The following SMCP variants were observed in gnomAD, a reference collection of about 807,000 sequenced individuals.
The protein encoded by SMCP is sperm mitochondria associated cysteine rich protein, also known as sperm mitochondrial-associated cysteine-rich protein.
For synonymous variants in SMCP, 41 were observed against 46.9 expected, an observed-to-expected ratio of 0.87 and a Z score of 0.51; for missense variants, 137 against 137.1, an observed-to-expected ratio of 1.00 and a Z score of 0.01.
intron 1 of SMCP, among the ~76,000 whole-genome samples, chr1:152,881,228 C>A (rs1487430003): frequency 6.6e-6 from 1 of 152,042 alleles, no homozygotes; most frequent in East Asian, 1.9e-4. Flanking sequence ...ATAGCCACAG[C>A]CCTGGGTCTT....
chr1:152,879,769 T>G (rs1237239686), intron 1 of SMCP, among the ~76,000 whole-genome samples: 1 of 152,148 alleles, frequency 6.6e-6, no homozygotes, highest in Non-Finnish European at 1.5e-5. Flanking sequence ...CTGCTGTCCT[T>G]CTCTGATATT....
chr1:152,881,690 G>C (rs1044298260), intron 1 of SMCP, among the ~76,000 whole-genome samples: 2 of 108,034 alleles, frequency 1.9e-5, no homozygotes, highest in African/African-American at 1.1e-4. Context: ...GCGAGACTCC[G>C]TCTCAAAAAA....
intron 1 of SMCP, among the ~76,000 whole-genome samples, chr1:152,879,802 C>T (rs761358906): frequency 6.6e-6 from 1 of 152,132 alleles, no homozygotes; most frequent in Non-Finnish European, 1.5e-5. Context: ...CATTCAGGAC[C>T]TATTCCCAGG....
intron 1 of SMCP, among the ~76,000 whole-genome samples, chr1:152,880,510 T>C (rs1648999260): frequency 6.6e-6 from 1 of 152,138 alleles, no homozygotes. Context: ...GCCTCTCCAT[T>C]GCTCACCTCT....
chr1:152,881,806 T>C (rs1048996737), intron 1 of SMCP, among the ~76,000 whole-genome samples: 3 of 151,892 alleles, frequency 2.0e-5, no homozygotes, highest in African/African-American at 7.3e-5. Context: ...AACACAATCA[T>C]GGCAGAAGGC....
At chr1:152,883,400 C>G (rs1649114079) in intron 1 of SMCP, among the ~76,000 whole-genome samples, 1 of 152,200 alleles carries the variant, frequency 6.6e-6, no homozygotes, top group African/African-American at 2.4e-5. Flanking sequence ...ATCCTCTCAT[C>G]ATGTGCCATA....
chr1:152,880,303 G>A (rs1449935768), intron 1 of SMCP, among the ~76,000 whole-genome samples: 5 of 152,022 alleles, frequency 3.3e-5, no homozygotes, highest in African/African-American at 4.8e-5. Context: ...TGCATACCCC[G>A]GCACACCCAA....
At chr1:152,878,839 C>T (rs60566199) in intron 1 of SMCP, among the ~76,000 whole-genome samples, 9,210 of 152,184 alleles carry the variant, frequency 0.061, 1,123 homozygotes, top group East Asian at 0.52. Context: ...CAGGTTTGAA[C>T]GATATTCAGT....
intron 1 of SMCP, among the ~76,000 whole-genome samples, chr1:152,880,130 A>G (rs759832848): frequency 6.6e-6 from 1 of 152,198 alleles, no homozygotes; most frequent in Non-Finnish European, 1.5e-5. Flanking sequence ...CAGAGAGGAA[A>G]AAAAAATAGC....
chr1:152,884,478 G>A lies in SMCP; in HGVS notation c.56G>A (p.Cys19Tyr). Residue 19 changes from cysteine (C) to tyrosine (Y), a missense_variant, in exon 2 of 2, where the codon TGC becomes TAC. By Grantham distance (194) the Cys-to-Tyr change is radical. Coordinates refer to ENST00000368765, the MANE Select transcript of SMCP (RefSeq NM_030663.3). ...KCCPAKGNQCCPPQQNQCCQS... is the reference protein window; with the variant it reads ...KCCPAKGNQCYPPQQNQCCQS... ...TGCCCAGCAAAAGGCAATCAATGCTGCCCACCACAGCAGAACCAGTGCTGC... is the reference window on the plus strand; with the variant it reads ...TGCCCAGCAAAAGGCAATCAATGCTACCCACCACAGCAGAACCAGTGCTGC... 6.2e-7 allele frequency: 1 copy of A among 1,613,958 alleles called. No homozygotes were observed. Among genetic ancestry groups the A allele is most frequent in the South Asian group, 1.1e-5 (1 of 91,068 alleles).
chr1:152,882,660 C>T (rs1015472893), intron 1 of SMCP, among the ~76,000 whole-genome samples: 6 of 112,280 alleles, frequency 5.3e-5, no homozygotes, highest in Non-Finnish European at 1.0e-4. Flanking sequence ...CACTTAGGTG[C>T]ACACACACAC....
In SMCP at chr1:152,883,717, C is replaced by T. The variant is rs910363722; in HGVS notation, c.-20-686C>T. On this transcript the variant is annotated intron_variant, in intron 1 of 1. Transcript: ENST00000368765. Reference sequence around the variant, plus strand: ...GAAGAGAACTGCACAATCCCTTAGGCTTGGGAGTTGCAGAACCAGGCCTGG... The same window carrying T: ...GAAGAGAACTGCACAATCCCTTAGGTTTGGGAGTTGCAGAACCAGGCCTGG... Among the ~76,000 whole-genome samples the T allele has an allele frequency of 5.3e-5, 8 of 152,266 alleles. No individual in the cohort carries two copies. The South Asian group carries it at 1.7e-3, about 32-fold the overall frequency.
chr1:152,884,340 A>G, intron 1 of SMCP, 63 bp from the exon 2 acceptor site: 1 of 1,353,252 alleles, frequency 7.4e-7, no homozygotes, highest in East Asian at 2.4e-5. Flanking sequence ...GTGTCAAGAA[A>G]GGAGGAAATG....
chr1:152,883,108 A>G (rs2101623379), intron 1 of SMCP, among the ~76,000 whole-genome samples: 1 of 152,306 alleles, frequency 6.6e-6, no homozygotes, highest in South Asian at 2.1e-4. Context: ...CACAATCCCA[A>G]GGATGCCAGA....
chr1:152,880,302 C>T (rs1454872332), intron 1 of SMCP, among the ~76,000 whole-genome samples: 1 of 152,132 alleles, frequency 6.6e-6, no homozygotes, highest in Non-Finnish European at 1.5e-5. Flanking sequence ...CTGCATACCC[C>T]GGCACACCCA....
intron 1 of SMCP, among the ~76,000 whole-genome samples, chr1:152,881,097 G>A (rs1312122985): frequency 2.0e-5 from 3 of 151,956 alleles, no homozygotes; most frequent in Non-Finnish European, 4.4e-5. Flanking sequence ...TGTTTCTAGT[G>A]GGTGGCGCTG....
intron 1 of SMCP, among the ~76,000 whole-genome samples, chr1:152,883,615 C>T (rs1179692949): frequency 6.6e-6 from 1 of 152,166 alleles, no homozygotes; most frequent in Non-Finnish European, 1.5e-5. Context: ...TTTGAGGACA[C>T]CTACCAGGTC....
At chr1:152,880,676 A>G (rs771558451) in intron 1 of SMCP, among the ~76,000 whole-genome samples, 13 of 152,070 alleles carry the variant, frequency 8.5e-5, no homozygotes, top group Non-Finnish European at 1.6e-4. Context: ...TCTTCCTCTT[A>G]AATGGAAGCA....
At chr1:152,881,953 A>G (rs1557857819) in intron 1 of SMCP, among the ~76,000 whole-genome samples, 1 of 151,924 alleles carries the variant, frequency 6.6e-6, no homozygotes, top group Non-Finnish European at 1.5e-5. Flanking sequence ...ACCCCCAGAA[A>G]TTATTTTATT....
Sources: gnomAD v4.1 joint callset for allele counts (sites outside exome capture counted in the v4.1 genomes callset) on GRCh38, gnomAD v4.1.1 for gene constraint, MANE v1.5 for transcripts, NCBI Gene and HGNC (gene_info 2026-07-23, HGNC 2026-07-21) for gene names.